VPS13D: variants seen among roughly 807,000 people sequenced by gnomAD.
VPS13D encodes the protein vacuolar protein sorting 13 homolog D, also known as intermembrane lipid transfer protein VPS13D.
Under a neutral mutation model 461.9 loss-of-function variants are expected in VPS13D, and 187 were observed. The ratio of observed to expected loss-of-function variants is 0.40; its 90% CI spans 0.36 to 0.46. The LOEUF is 0.46. VPS13D is among the 20% of genes least tolerant of loss of function. The pLI is 0.60. For synonymous variants in VPS13D, 1,951 were observed against 1,986.3 expected (o/e 0.98, Z 0.47); for missense variants, 4,711 against 5,364.9 (o/e 0.88, Z 3.81).
chr1:12,244,716 C>A, intron 5 of VPS13D, 99 bp downstream of exon 5: 1 of 1,168,456 alleles, frequency 8.6e-7, no homozygotes, highest in Non-Finnish European at 1.2e-6. Flanking sequence ...GTGGGCTCAG[C>A]TGATCTAGGG....
intron 6 of VPS13D, among the ~76,000 whole-genome samples, chr1:12,251,478 A>G (rs569739543): frequency 3.3e-5 from 5 of 152,228 alleles, no homozygotes; most frequent in African/African-American, 1.2e-4. Flanking sequence ...TCCTATACCA[A>G]TGCTTTCCAG....
chr1:12,398,619 G>T (rs951413535), intron 60 of VPS13D, among the ~76,000 whole-genome samples: 1 of 152,174 alleles, frequency 6.6e-6, no homozygotes, highest in African/African-American at 2.4e-5. Context: ...GCTGCTTCCT[G>T]CAAGGAGCCT....
chr1:12,327,578 G>C, intron 35 of VPS13D, 70 bp from the exon 36 acceptor site: 2 of 1,444,068 alleles, frequency 1.4e-6, no homozygotes, highest in South Asian at 2.3e-5. Context: ...TTATTTCTCT[G>C]TTTCCTCTGT....
intron 20 of VPS13D, among the ~76,000 whole-genome samples, chr1:12,281,141 T>C (rs2101377221): frequency 6.6e-6 from 1 of 152,182 alleles, no homozygotes; most frequent in Admixed American, 6.5e-5. Flanking sequence ...ATTTAGAGTG[T>C]ATTTCCAAAA....
intron 66 of VPS13D, among the ~76,000 whole-genome samples, chr1:12,456,726 T>C (rs1257667888): frequency 6.6e-6 from 1 of 152,102 alleles, no homozygotes; most frequent in African/African-American, 2.4e-5. Context: ...CTCTCTTACT[T>C]TATCCTCCTT....
At chr1:12,257,461 C>G (rs992871302) in intron 9 of VPS13D, among the ~76,000 whole-genome samples, 5 of 152,200 alleles carry the variant, frequency 3.3e-5, no homozygotes, top group African/African-American at 4.8e-5. Context: ...ACATAGTACT[C>G]TTTGCAGCCT....
At chr1:12,445,354 G>A (rs1411314509) in intron 65 of VPS13D, among the ~76,000 whole-genome samples, 1 of 152,196 alleles carries the variant, frequency 6.6e-6, no homozygotes, top group Non-Finnish European at 1.5e-5. Flanking sequence ...ATCAGGATAG[G>A]CCGTGTAGCC....
chr1:12,417,339 C>G (rs982845568), intron 65 of VPS13D, among the ~76,000 whole-genome samples: 8 of 152,240 alleles, frequency 5.3e-5, no homozygotes, highest in Non-Finnish European at 8.8e-5. Flanking sequence ...GGTTTGTTCA[C>G]TGACATCTTA....
intron 24 of VPS13D, among the ~76,000 whole-genome samples, chr1:12,295,450 A>G (rs754436207): frequency 6.6e-6 from 1 of 152,146 alleles, no homozygotes; most frequent in African/African-American, 2.4e-5. Context: ...GGAAGCAACG[A>G]GTGCTGTCGG....
intron 60 of VPS13D, 124 bp from the exon 61 acceptor site, chr1:12,400,057 A>G (rs1319638674): frequency 2.9e-6 from 3 of 1,049,044 alleles, no homozygotes; most frequent in Middle Eastern, 2.6e-4. Context: ...ATTGAGATCG[A>G]GTGAAATGAC....
At chr1:12,396,991 T>C (rs144040277) in intron 60 of VPS13D, among the ~76,000 whole-genome samples, 17,090 of 152,258 alleles carry the variant, frequency 0.11, 1,286 homozygotes, top group Non-Finnish European at 0.17. Flanking sequence ...TGGAGTGCAG[T>C]GGTACGATCT....
chr1:12,414,825 T>C (rs1644774064), intron 63 of VPS13D, among the ~76,000 whole-genome samples: 1 of 152,242 alleles, frequency 6.6e-6, no homozygotes, highest in African/African-American at 2.4e-5. Context: ...CAAAACAGAC[T>C]AAAAGGAATT....
intron 1 of VPS13D, among the ~76,000 whole-genome samples, chr1:12,232,770 GACT>G (rs1303345218): frequency 1.3e-5 from 2 of 148,328 alleles, no homozygotes; most frequent in African/African-American, 5.0e-5. Flanking sequence ...TGTAATAATC[GACT>G]AAGATTGTTC....
chr1:12,401,003 C>CACAA (rs1244161521), intron 61 of VPS13D, among the ~76,000 whole-genome samples: 3 of 150,566 alleles, frequency 2.0e-5, no homozygotes, highest in East Asian at 1.9e-4. Flanking sequence ...CACACACACA[C>CACAA]AATAACCCTG....
intron 61 of VPS13D, among the ~76,000 whole-genome samples, chr1:12,401,400 A>G (rs1484422271): frequency 3.3e-5 from 5 of 152,222 alleles, no homozygotes; most frequent in Non-Finnish European, 5.9e-5. Context: ...ACCAAACAAT[A>G]GAATGGCAAA....
chr1:12,415,967 G>C (rs953644960), intron 64 of VPS13D, among the ~76,000 whole-genome samples: 1 of 152,124 alleles, frequency 6.6e-6, no homozygotes, highest in African/African-American at 2.4e-5. Flanking sequence ...GATCACTTGA[G>C]CTCAGGAGTT....
intron 61 of VPS13D, among the ~76,000 whole-genome samples, chr1:12,400,962 G>GCGCGCGCACACACA (rs1253464149): frequency 1.9e-5 from 2 of 106,218 alleles, no homozygotes; most frequent in African/African-American, 6.7e-5. Context: ...CTGCGCGCGC[G>GCGCGCGCACACACA]CACACACACA....
At position 12,506,964 on chromosome 1, in the gene VPS13D, C is replaced by T. The variant is rs1431561820; in HGVS notation, c.12906C>T (p.Val4302=). The T allele has an allele frequency of 6.2e-6, 10 of 1,614,128 alleles. No individual in the cohort carries two copies. Among genetic ancestry groups the T allele is most frequent in the Non-Finnish European group, 8.5e-6 (10 of 1,180,052 alleles). The change falls in exon 69 of 70, where the codon GTC becomes GTT. Residue 4302 remains valine, a synonymous_variant. Coordinates refer to ENST00000620676, the MANE Select transcript of VPS13D (RefSeq NM_015378.4). ...ATCGAGAAGCCATTTTCCTAGAAGTCAAATACGATGACCTCTACCACTGCC... is the reference window on the plus strand; with the variant it reads ...ATCGAGAAGCCATTTTCCTAGAAGTTAAATACGATGACCTCTACCACTGCC... ...YVDREAIFLE[V]KYDDLYHCLV...
At chr1:12,241,323 T>C (rs1029372507) in intron 2 of VPS13D, among the ~76,000 whole-genome samples, 3 of 152,252 alleles carry the variant, frequency 2.0e-5, no homozygotes, top group Non-Finnish European at 4.4e-5. Flanking sequence ...TTTTGCATTA[T>C]TTTGTACTTG....
Sources: allele counts gnomAD v4.1 joint callset (sites outside exome capture counted in the v4.1 genomes callset), GRCh38; gene constraint gnomAD v4.1.1; transcripts MANE v1.5; gene names NCBI Gene and HGNC (gene_info 2026-07-23, HGNC 2026-07-21).